The following STON1 variants were observed in gnomAD, a reference collection of about 807,000 sequenced individuals.
STON1 encodes stonin-1.
Under a neutral mutation model 60.9 loss-of-function variants are expected in STON1, and 79 were observed. That is an observed-to-expected ratio of 1.30 (90% CI 1.08 to 1.56). The LOEUF (loss-of-function observed/expected upper bound fraction) is 1.56, where lower values mean the gene tolerates loss of function less well. STON1 is among the 40% of genes most tolerant of loss of function. The probability of loss-of-function intolerance (pLI) is 0.00; values close to 1 mark genes in which losing one functional copy is unlikely to be tolerated. For synonymous variants in STON1, 363 were observed against 306.9 expected (o/e 1.18, Z -1.91); for missense variants, 1,166 against 858.9 (o/e 1.36, Z -4.47).
Position 48,596,018 on chromosome 2 carries a change from G to C in STON1, c.*716G>C, listed in dbSNP as rs1674769918. 6.6e-6 allele frequency: 1 copy of C among 152,062 alleles called. No homozygotes were observed. Among genetic ancestry groups the C allele is most frequent in the African/African-American group, 2.4e-5 (1 of 41,410 alleles). 9.4% of individuals were successfully genotyped at this position (152,062 alleles called of 1,614,324 possible). A position where few individuals can be genotyped will look rare whatever the true frequency, so the allele number is the denominator to read the frequency against. On this transcript the variant is annotated 3_prime_UTR_variant, in exon 4 of 4. Coordinates refer to ENST00000404752, the MANE Select transcript of STON1 (RefSeq NM_006873.4). ...CACTAAGACATATTTCCTTTCACTT[G>C]GCAGGATTCCTTTCAAAATGGAATC...
intron 1 of STON1, among the ~76,000 whole-genome samples, chr2:48,532,708 C>T (rs62135194): frequency 0.12 from 18,573 of 152,072 alleles, 1,385 homozygotes; most frequent in Middle Eastern, 0.24. Context: ...CCCAGCAGCC[C>T]GAGGAGAGGC....
intron 1 of STON1, among the ~76,000 whole-genome samples, chr2:48,557,536 G>A (rs1216401974): frequency 1.9e-4 from 21 of 110,316 alleles, no homozygotes; most frequent in African/African-American, 6.0e-4. Flanking sequence ...ACGGGGTGGC[G>A]GCCGGGCAGA....
intron 1 of STON1, among the ~76,000 whole-genome samples, chr2:48,564,563 T>TCTTCTTCTTCTC (rs1558605607): frequency 3.5e-5 from 1 of 28,366 alleles, no homozygotes; most frequent in African/African-American, 1.7e-4. Context: ...TTCTTCTTCT[T>TCTTCTTCTTCTC]CTTCTCCTTC....
chr2:48,562,691 C>A (rs754788971), intron 1 of STON1, among the ~76,000 whole-genome samples: 4 of 152,150 alleles, frequency 2.6e-5, no homozygotes, highest in African/African-American at 4.8e-5. Flanking sequence ...TTGGGTTGAG[C>A]CTTTGCTGTG....
At chr2:48,564,491 TC>T (rs1672798928) in intron 1 of STON1, among the ~76,000 whole-genome samples, 1 of 20,408 alleles carries the variant, frequency 4.9e-5, no homozygotes, top group African/African-American at 1.8e-4. Flanking sequence ...TTCTTCTTCT[TC>T]TTCTTCTTCT....
intron 3 of STON1, among the ~76,000 whole-genome samples, chr2:48,594,221 G>C (rs1674679614): frequency 6.6e-6 from 1 of 152,122 alleles, no homozygotes; most frequent in Non-Finnish European, 1.5e-5. Flanking sequence ...TGGGGAACCT[G>C]ACCTATAACA....
At chr2:48,557,153 G>A (rs1318487820) in intron 1 of STON1, among the ~76,000 whole-genome samples, 1 of 101,592 alleles carries the variant, frequency 9.8e-6, no homozygotes, top group Middle Eastern at 4.3e-3. Flanking sequence ...TGGCTGCCGG[G>A]CGGAGACGCT....
chr2:48,589,695 T>G (rs1277891446), intron 2 of STON1, among the ~76,000 whole-genome samples: 1 of 152,224 alleles, frequency 6.6e-6, no homozygotes, highest in East Asian at 1.9e-4. Context: ...TTCTTCAATT[T>G]TCATCGTAAA....
intron 1 of STON1, among the ~76,000 whole-genome samples, chr2:48,547,529 C>T (rs1387194789): frequency 1.3e-5 from 2 of 152,158 alleles, no homozygotes; most frequent in Non-Finnish European, 2.9e-5. Context: ...GTCCCATGGT[C>T]GTGCGGGGTC....
At chr2:48,533,227 C>CAA (rs1027287819) in intron 1 of STON1, among the ~76,000 whole-genome samples, 4 of 151,850 alleles carry the variant, frequency 2.6e-5, no homozygotes, top group Non-Finnish European at 5.9e-5. Context: ...ACTAAAAACA[C>CAA]AAAAATTAGG....
chr2:48,535,135 T>C (rs1331045531), intron 1 of STON1, among the ~76,000 whole-genome samples: 1 of 151,850 alleles, frequency 6.6e-6, no homozygotes, highest in Non-Finnish European at 1.5e-5. Context: ...GAGAGTGTGA[T>C]AGGTAGAAAG....
chr2:48,587,813 C>G (rs1440638842), intron 2 of STON1, among the ~76,000 whole-genome samples: 1 of 152,184 alleles, frequency 6.6e-6, no homozygotes, highest in Non-Finnish European at 1.5e-5. Context: ...TTATTGAGAT[C>G]AGGTCTGTGC....
At chr2:48,535,170 A>C (rs965430949) in intron 1 of STON1, among the ~76,000 whole-genome samples, 1 of 152,160 alleles carries the variant, frequency 6.6e-6, no homozygotes, top group African/African-American at 2.4e-5. Context: ...CCGAGGCTCA[A>C]ATGTACCTGT....
At chr2:48,576,198 T>C (rs1191695540) in intron 1 of STON1, among the ~76,000 whole-genome samples, 1 of 127,208 alleles carries the variant, frequency 7.9e-6, no homozygotes, top group Non-Finnish European at 1.7e-5. Context: ...TTTTTTTTTT[T>C]TTTTTTTTTT....
At chr2:48,567,161 C>A (rs1308533850) in intron 1 of STON1, among the ~76,000 whole-genome samples, 1 of 152,186 alleles carries the variant, frequency 6.6e-6, no homozygotes, top group African/African-American at 2.4e-5. Context: ...TAATATTTTA[C>A]AAATGTTATT....
At chr2:48,579,319 T>C (rs866577971) in intron 1 of STON1, among the ~76,000 whole-genome samples, 3 of 151,958 alleles carry the variant, frequency 2.0e-5, no homozygotes, top group South Asian at 2.1e-4. Flanking sequence ...TTCTTCCTTT[T>C]TTTTTTTGAG....
At chr2:48,577,804 C>T (rs181369046) in intron 1 of STON1, among the ~76,000 whole-genome samples, 14 of 151,428 alleles carry the variant, frequency 9.2e-5, no homozygotes, top group Middle Eastern at 3.4e-3. Context: ...TTAGTAGAGA[C>T]GCGATTTCAC....
At position 48,580,837 on chromosome 2, in the gene STON1, T is replaced by C. The variant is rs3828340; in HGVS notation, c.204T>C (p.Asp68=). The C allele has an allele frequency of 0.34, 519,655 of 1,542,172 alleles. 89,377 individuals carry two copies. The highest frequency in any genetic ancestry group is 0.43 in the East Asian group (18,368 of 43,204). ...SSTPLSSPIV[D]FYFSPGPPSN... is the part of the protein sequence containing the mutation. The stretch of plus-strand genomic sequence containing the variant: ...CTCCTCTCTCCTCCCCCATTGTAGA[T>C]TTTTATTTCAGTCCAGGACCTCCAA... The change falls in exon 2 of 4, where the codon GAT becomes GAC. Residue 68 remains aspartate, a synonymous_variant. Transcript: ENST00000404752.
chr2:48,589,774 A>C (rs1375369251), intron 2 of STON1, among the ~76,000 whole-genome samples: 1 of 152,128 alleles, frequency 6.6e-6, no homozygotes. Flanking sequence ...ATAATTTTTA[A>C]CTCCGAATGT....
Sources: allele counts gnomAD v4.1 joint callset (sites outside exome capture counted in the v4.1 genomes callset), GRCh38; gene constraint gnomAD v4.1.1; transcripts MANE v1.5; gene names NCBI Gene and HGNC (gene_info 2026-07-23, HGNC 2026-07-21).